PCDH15: variants seen among roughly 807,000 people sequenced by gnomAD.
The protein encoded by PCDH15 is protocadherin-15.
A neutral mutation model predicts 178.5 loss-of-function variants in PCDH15; 129 were observed. That is an observed-to-expected ratio of 0.72 (90% CI 0.63 to 0.84). PCDH15 has a LOEUF of 0.84. Among genes scored for constraint, PCDH15 ranks in the 40% least tolerant of loss-of-function variants. The pLI is 0.00. For missense variants in PCDH15, 2,230 were observed against 2,099.9 expected, an observed-to-expected ratio of 1.06 and a Z score of -1.21; for synonymous variants, 800 against 732.0, an observed-to-expected ratio of 1.09 and a Z score of -1.50.
At chr10:54,124,408 ACGG>A (rs2132925103) in intron 15 of PCDH15, among the ~76,000 whole-genome samples, 1 of 152,288 alleles carries the variant, frequency 6.6e-6, no homozygotes, top group African/African-American at 2.4e-5. Context: ...CTGGAAACAG[ACGG>A]TGATGATGTT....
chr10:54,324,173 A>G (rs1032218601), intron 7 of PCDH15, among the ~76,000 whole-genome samples: 1 of 152,148 alleles, frequency 6.6e-6, no homozygotes, highest in African/African-American at 2.4e-5. Flanking sequence ...AGGTCAGGGT[A>G]GAGGTTATTT....
intron 1 of PCDH15, among the ~76,000 whole-genome samples, chr10:54,798,247 A>G (rs1952256437): frequency 6.6e-6 from 1 of 151,832 alleles, no homozygotes; most frequent in African/African-American, 2.4e-5. Context: ...ACTTCCTTCC[A>G]ATACCCTTGG....
At chr10:55,300,856 T>C (rs898174369) in intron 1 of PCDH15, among the ~76,000 whole-genome samples, 7 of 152,274 alleles carry the variant, frequency 4.6e-5, no homozygotes, top group African/African-American at 1.2e-4. Flanking sequence ...AGACAACATA[T>C]TGCACAATTT....
intron 2 of PCDH15, among the ~76,000 whole-genome samples, chr10:55,352,631 C>T (rs1844966881): frequency 6.6e-6 from 1 of 152,096 alleles, no homozygotes; most frequent in Admixed American, 6.6e-5. Context: ...TAAGTTGTTG[C>T]CTCATGAGCT....
At chr10:53,833,874 A>G (rs1564569188) in intron 29 of PCDH15, among the ~76,000 whole-genome samples, 1 of 151,978 alleles carries the variant, frequency 6.6e-6, no homozygotes, top group African/African-American at 2.4e-5. Context: ...CATGTTGTCA[A>G]TTTAATTTTC....
At chr10:55,556,557 G>A (rs1213348957) in intron 2 of PCDH15, among the ~76,000 whole-genome samples, 1 of 152,108 alleles carries the variant, frequency 6.6e-6, no homozygotes, top group African/African-American at 2.4e-5. Flanking sequence ...TGGGCCAGGA[G>A]TGGTGGCTCA....
intron 2 of PCDH15, among the ~76,000 whole-genome samples, chr10:55,431,419 T>A (rs1298549299): frequency 1.3e-5 from 2 of 152,198 alleles, no homozygotes; most frequent in Non-Finnish European, 2.9e-5. Flanking sequence ...TGCTAATTTA[T>A]GCTACTTGTG....
chr10:55,017,977 A>T (rs1216336494), intron 2 of PCDH15, among the ~76,000 whole-genome samples: 2 of 152,118 alleles, frequency 1.3e-5, no homozygotes, highest in Admixed American at 1.3e-4. Flanking sequence ...TATAATGGAC[A>T]AATTAACATA....
intron 3 of PCDH15, among the ~76,000 whole-genome samples, chr10:54,865,779 A>T (rs7076496): frequency 0.52 from 79,618 of 151,998 alleles, 21,296 homozygotes; most frequent in East Asian, 0.85. Context: ...ATTAGAAAAA[A>T]AAACAGAACA....
At chr10:55,039,348 GA>G (rs925843596) in intron 2 of PCDH15, among the ~76,000 whole-genome samples, 4 of 151,884 alleles carry the variant, frequency 2.6e-5, no homozygotes, top group African/African-American at 7.3e-5. Context: ...AAAGAAATGA[GA>G]AAAAAATGAA....
intron 21 of PCDH15, among the ~76,000 whole-genome samples, chr10:53,965,715 C>T (rs2088941734): frequency 6.6e-6 from 1 of 152,170 alleles, no homozygotes; most frequent in South Asian, 2.1e-4. Context: ...ATAGCACCAA[C>T]TGCTTCAAGA....
chr10:54,846,660 G>A (rs1046077141), intron 3 of PCDH15, among the ~76,000 whole-genome samples: 1 of 151,912 alleles, frequency 6.6e-6, no homozygotes, highest in Non-Finnish European at 1.5e-5. Flanking sequence ...TAGGAATTGC[G>A]AGGAAAGGAG....
At chr10:54,343,091 T>C (rs1942558247) in intron 6 of PCDH15, among the ~76,000 whole-genome samples, 1 of 152,194 alleles carries the variant, frequency 6.6e-6, no homozygotes, top group South Asian at 2.1e-4. Flanking sequence ...TAGGGAACTA[T>C]TGAGAAGGCA....
intron 2 of PCDH15, among the ~76,000 whole-genome samples, chr10:55,381,584 C>G (rs918011534): frequency 2.0e-5 from 3 of 152,082 alleles, no homozygotes; most frequent in Non-Finnish European, 4.4e-5. Flanking sequence ...AATCACCATC[C>G]TGTCTAAGCC....
chr10:55,083,243 T>C (rs1196334164), intron 2 of PCDH15, among the ~76,000 whole-genome samples: 2 of 151,948 alleles, frequency 1.3e-5, no homozygotes, highest in Non-Finnish European at 2.9e-5. Context: ...CAAGGATGGT[T>C]CAACATATGC....
chr10:54,694,576 G>A (rs1293019802), intron 1 of PCDH15, among the ~76,000 whole-genome samples: 2 of 151,856 alleles, frequency 1.3e-5, no homozygotes, highest in South Asian at 2.1e-4. Context: ...CTGTGTCTAT[G>A]TTTTGGAAAT....
intron 1 of PCDH15, among the ~76,000 whole-genome samples, chr10:55,252,773 G>A (rs898982660): frequency 6.6e-6 from 1 of 151,954 alleles, no homozygotes; most frequent in Non-Finnish European, 1.5e-5. Flanking sequence ...CATCAATAAA[G>A]GAGACTAATT....
At chr10:54,485,897 T>C (rs955723081) in intron 3 of PCDH15, among the ~76,000 whole-genome samples, 12 of 151,974 alleles carry the variant, frequency 7.9e-5, no homozygotes, top group African/African-American at 2.9e-4. Context: ...TGTAGTGAAA[T>C]AATATTAGAA....
At chr10:54,621,534 A>G (rs1481190183) in intron 2 of PCDH15, among the ~76,000 whole-genome samples, 1 of 152,054 alleles carries the variant, frequency 6.6e-6, no homozygotes, top group Non-Finnish European at 1.5e-5. Context: ...AATTTTTCAT[A>G]CAATATAAAA....
Sources: gnomAD v4.1 joint callset for allele counts (sites outside exome capture counted in the v4.1 genomes callset) on GRCh38, gnomAD v4.1.1 for gene constraint, MANE v1.5 for transcripts, NCBI Gene and HGNC (gene_info 2026-07-23, HGNC 2026-07-21) for gene names.